Variants in AHI1 observed in about 807,000 individuals in gnomAD.
AHI1 encodes the protein jouberin.
A neutral mutation model predicts 149.3 loss-of-function variants in AHI1; 123 were observed. That is an observed-to-expected ratio of 0.82 (90% CI 0.71 to 0.96). The LOEUF (loss-of-function observed/expected upper bound fraction) is 0.96, where lower values mean the gene tolerates loss of function less well. Among genes scored for constraint, AHI1 ranks in the 40% least tolerant of loss-of-function variants. The probability of loss-of-function intolerance (pLI) is 0.00; values close to 1 mark genes in which losing one functional copy is unlikely to be tolerated. For missense variants in AHI1, 1,439 were observed against 1,422.7 expected (o/e 1.01, Z -0.18); for synonymous variants, 475 against 459.8 (o/e 1.03, Z -0.42).
chr6:135,405,859 C>CAAAAAAA (rs543403253), intron 21 of AHI1, among the ~76,000 whole-genome samples: 3 of 29,398 alleles, frequency 1.0e-4, no homozygotes, highest in Non-Finnish European at 1.5e-4. Flanking sequence ...GACTCCAACT[C>CAAAAAAA]AAAAAAAAAA....
At chr6:135,414,802 TTTTA>T (rs1487699470) in intron 20 of AHI1, among the ~76,000 whole-genome samples, 6 of 151,978 alleles carry the variant, frequency 3.9e-5, no homozygotes, top group East Asian at 1.9e-4. Flanking sequence ...TTTTAAATTT[TTTTA>T]TTTATTTTTA....
intron 24 of AHI1, among the ~76,000 whole-genome samples, chr6:135,342,595 A>G (rs1790543872): frequency 6.6e-6 from 1 of 151,890 alleles, no homozygotes; most frequent in African/African-American, 2.4e-5. Flanking sequence ...TAACATATGA[A>G]AATCTACCAA....
chr6:135,462,614 GAGA>G (rs1329146481), intron 8 of AHI1, among the ~76,000 whole-genome samples: 24 of 152,154 alleles, frequency 1.6e-4, no homozygotes, highest in African/African-American at 5.6e-4. Flanking sequence ...ACAAGAATCA[GAGA>G]AGGTCAGGCA....
chr6:135,334,491 G>A (rs756333767), intron 24 of AHI1, among the ~76,000 whole-genome samples: 1 of 152,124 alleles, frequency 6.6e-6, no homozygotes, highest in Non-Finnish European at 1.5e-5. Flanking sequence ...TAAGTCACTC[G>A]GTCTATGGTA....
intron 23 of AHI1, among the ~76,000 whole-genome samples, chr6:135,369,766 T>C (rs1774754487): frequency 1.3e-5 from 2 of 152,172 alleles, no homozygotes; most frequent in Non-Finnish European, 2.9e-5. Flanking sequence ...CTATCTGTTG[T>C]TATCTGCTGT....
chr6:135,459,277 GATCA>G (rs1789480343), intron 8 of AHI1, among the ~76,000 whole-genome samples: 1 of 151,940 alleles, frequency 6.6e-6, no homozygotes, highest in Admixed American at 6.6e-5. Flanking sequence ...TCTAAATAAT[GATCA>G]ATTAAAATGG....
rs142109476 is a variant in AHI1 at position 135,298,058 on chromosome 6, C to G, written c.3485+2442G>C. Among the ~76,000 whole-genome samples the G allele has an allele frequency of 1.9e-3, 286 of 152,072 alleles. 2 individuals carry two copies. The highest frequency in any genetic ancestry group is 6.3e-3 in the African/African-American group (260 of 41,502). On this transcript the variant is annotated intron_variant, in intron 27 of 28. Coordinates refer to ENST00000265602, the MANE Select transcript of AHI1 (RefSeq NM_001134831.2). ...AAAACCCAACAAAATTCAATACAGGCTATATTAGTTAACTATGGAACATTA... is the reference window on the plus strand; with the variant it reads ...AAAACCCAACAAAATTCAATACAGGGTATATTAGTTAACTATGGAACATTA...
chr6:135,447,825 A>T (rs562635753), intron 12 of AHI1, among the ~76,000 whole-genome samples: 141 of 152,362 alleles, frequency 9.3e-4, no homozygotes, highest in African/African-American at 3.0e-3. Flanking sequence ...TGCAAACTGC[A>T]GCCCACACAC....
At chr6:135,439,801 C>T (rs1785991148) in intron 14 of AHI1, among the ~76,000 whole-genome samples, 3 of 152,108 alleles carry the variant, frequency 2.0e-5, no homozygotes, top group Admixed American at 1.3e-4. Context: ...GGGTTCAGTA[C>T]TACTTGAGGT....
chr6:135,377,870 C>T (rs1410535344), intron 23 of AHI1, among the ~76,000 whole-genome samples: 2 of 151,962 alleles, frequency 1.3e-5, no homozygotes, highest in Non-Finnish European at 2.9e-5. Context: ...AGATCACCTT[C>T]CTAAACATAA....
chr6:135,452,874 G>A (rs1434478023), intron 11 of AHI1, among the ~76,000 whole-genome samples: 1 of 152,060 alleles, frequency 6.6e-6, no homozygotes, highest in Non-Finnish European at 1.5e-5. Context: ...CCTCAGGAAT[G>A]TTTTCCCTGA....
intron 5 of AHI1, among the ~76,000 whole-genome samples, chr6:135,485,067 C>T (rs902224468): frequency 6.7e-6 from 1 of 149,076 alleles, no homozygotes; most frequent in African/African-American, 2.5e-5. Context: ...ATTATATGTA[C>T]AATTTCTTTT....
chr6:135,377,330 A>T (rs2128463606), intron 23 of AHI1, among the ~76,000 whole-genome samples: 2 of 152,344 alleles, frequency 1.3e-5, no homozygotes, highest in South Asian at 4.1e-4. Flanking sequence ...ACATTTAATT[A>T]TCTTACAGTA....
At chr6:135,360,155 G>C (rs1793631759) in intron 23 of AHI1, among the ~76,000 whole-genome samples, 1 of 151,996 alleles carries the variant, frequency 6.6e-6, no homozygotes, top group South Asian at 2.1e-4. Context: ...TTAAAAATCT[G>C]TATTTGTATC....
At chr6:135,377,462 GTTATTTATTTAT>G (rs57058733) in intron 23 of AHI1, among the ~76,000 whole-genome samples, 38 of 148,516 alleles carry the variant, frequency 2.6e-4, no homozygotes, top group African/African-American at 6.5e-4. Context: ...CTGGCTTTGA[GTTATTTATTTAT>G]TTATTTATTT....
intron 21 of AHI1, among the ~76,000 whole-genome samples, chr6:135,405,668 G>A (rs1037816582): frequency 6.6e-6 from 1 of 151,688 alleles, no homozygotes; most frequent in African/African-American, 2.4e-5. Context: ...AGACCATCCT[G>A]GGCCAACGTG....
intron 7 of AHI1, among the ~76,000 whole-genome samples, chr6:135,463,728 T>C (rs549044916): frequency 1.3e-5 from 2 of 152,302 alleles, no homozygotes; most frequent in East Asian, 3.9e-4. Context: ...AGGCTTCACA[T>C]GCACAACTTT....
chr6:135,456,556 A>G (rs549019137), intron 9 of AHI1, among the ~76,000 whole-genome samples: 1 of 152,192 alleles, frequency 6.6e-6, no homozygotes, highest in Non-Finnish European at 1.5e-5. Flanking sequence ...AAAAAAAAAA[A>G]AAAAGACATA....
chr6:135,373,409 T>G (rs541191618), intron 23 of AHI1, among the ~76,000 whole-genome samples: 17 of 152,204 alleles, frequency 1.1e-4, no homozygotes, highest in Non-Finnish European at 2.5e-4. Flanking sequence ...CTCTATGATA[T>G]TTGCATAATG....
Sources: gnomAD v4.1 joint callset for allele counts (sites outside exome capture counted in the v4.1 genomes callset) on GRCh38, gnomAD v4.1.1 for gene constraint, MANE v1.5 for transcripts, NCBI Gene and HGNC (gene_info 2026-07-23, HGNC 2026-07-21) for gene names.